TPO: variants seen among roughly 807,000 people sequenced by gnomAD.
TPO encodes the protein thyroid microsomal antigen.
A neutral mutation model predicts 96.9 loss-of-function variants in TPO; 78 were observed. That is an observed-to-expected ratio of 0.81 (90% confidence interval 0.67 to 0.97). The LOEUF is 0.97. Among genes scored for constraint, TPO ranks in the 50% least tolerant of loss-of-function variants. The probability of loss-of-function intolerance (pLI) is 0.00; values close to 1 mark genes in which losing one functional copy is unlikely to be tolerated. For missense variants in TPO, 1,252 were observed against 1,274.8 expected, an observed-to-expected ratio of 0.98 and a Z score of 0.27; for synonymous variants, 547 against 538.0, an observed-to-expected ratio of 1.02 and a Z score of -0.23.
At chr2:1,445,368 A>G (rs55706926) in intron 5 of TPO, among the ~76,000 whole-genome samples, 58,706 of 70,292 alleles carry the variant, frequency 0.84, 25,466 homozygotes, top group East Asian at 0.9. Flanking sequence ...GAAGGGAATG[A>G]GCAGGCTCCT....
chr2:1,424,502 G>A (rs1270732115), intron 3 of TPO, among the ~76,000 whole-genome samples: 1 of 152,154 alleles, frequency 6.6e-6, no homozygotes, highest in African/African-American at 2.4e-5. Context: ...GTTAGGCGAG[G>A]ACATTAGAAT....
At chr2:1,535,126 C>CA (rs1679287732) in intron 15 of TPO, among the ~76,000 whole-genome samples, 1 of 95,872 alleles carries the variant, frequency 1.0e-5, no homozygotes, top group South Asian at 4.0e-4. Context: ...CACATCCCCC[C>CA]ACTCTGTGCA....
chr2:1,484,782 C>T lies in TPO; in HGVS notation c.1525C>T (p.Gln509Ter), dbSNP rs948273081. 2 of 1,614,082 alleles carry T rather than the reference C, an allele frequency of 1.2e-6. No individual in the cohort carries two copies. Among genetic ancestry groups the T allele is most frequent in the Non-Finnish European group, 1.7e-6 (2 of 1,180,030 alleles). Residue 509 changes from glutamine to a stop codon, truncating the protein, a stop_gained, in exon 9 of 17, where the codon CAG becomes TAG. Transcript: ENST00000329066. LOFTEE classifies it high-confidence loss of function. Reference sequence around the variant, plus strand: ...GGTGAGGAGGCTGGACGCCAGCTTCCAGGAGCACCCCGACCTGCCCGGGCT... The same window carrying T: ...GGTGAGGAGGCTGGACGCCAGCTTCTAGGAGCACCCCGACCTGCCCGGGCT... ...PLVRRLDASF[Q>*]EHPDLPGLWL...
chr2:1,415,804 C>G (rs1396262680), intron 2 of TPO, among the ~76,000 whole-genome samples: 1 of 152,220 alleles, frequency 6.6e-6, no homozygotes, highest in Non-Finnish European at 1.5e-5. Flanking sequence ...CTCGCTGTTC[C>G]CAGCCACACC....
chr2:1,507,690 G>A (rs1426000133), intron 14 of TPO, among the ~76,000 whole-genome samples: 3 of 151,572 alleles, frequency 2.0e-5, no homozygotes, highest in Admixed American at 1.3e-4. Flanking sequence ...CTGTTTGTCT[G>A]TTATTGGTGT....
chr2:1,504,001 T>G lies in TPO; in HGVS notation c.2440T>G (p.Cys814Gly), dbSNP rs1408070467. ...AHPPCHASAR[C>G]RNTKGGFQCL... ...CCCCCCCTGCCACGCCTCTGCGAGG[T>G]GCAGAAACACCAAAGGCGGCTTCCA... The change falls in exon 14 of 17, where the codon TGC (cysteine) becomes GGC (glycine). Residue 814 changes from cysteine (C) to glycine (G), a missense_variant. By Grantham distance (159) the Cys-to-Gly change is radical. Coordinates refer to ENST00000329066, the MANE Select transcript of TPO (RefSeq NM_001206744.2). The G allele has an allele frequency of 6.2e-7, 1 of 1,614,146 alleles. No homozygotes were observed. The highest frequency in any genetic ancestry group is 1.1e-5 in the South Asian group (1 of 91,086).
intron 15 of TPO, among the ~76,000 whole-genome samples, chr2:1,518,350 T>C (rs1210091714): frequency 1.3e-5 from 2 of 152,248 alleles, no homozygotes; most frequent in African/African-American, 2.4e-5. Context: ...AGCAACCAGA[T>C]GTTACCCATG....
chr2:1,421,973 C>T (rs1663592112), intron 2 of TPO, among the ~76,000 whole-genome samples: 1 of 152,200 alleles, frequency 6.6e-6, no homozygotes. Context: ...GCTGTGAGCC[C>T]GTGCTAGGTG....
chr2:1,447,925 T>C (rs10204515), intron 5 of TPO, among the ~76,000 whole-genome samples: 68,010 of 152,020 alleles, frequency 0.45, 15,433 homozygotes, highest in South Asian at 0.58. Flanking sequence ...ATTAGCCACA[T>C]TTCTCTTTAA....
intron 8 of TPO, among the ~76,000 whole-genome samples, chr2:1,481,224 C>T (rs1295036243): frequency 6.6e-6 from 1 of 152,106 alleles, no homozygotes; most frequent in Non-Finnish European, 1.5e-5. Context: ...ATCAGTTGCT[C>T]ACTTTGGTGA....
rs1234672081 is a variant in TPO at position 1,542,353 on chromosome 2, CAA to C, written c.2749-67_2749-66del. On this transcript the variant is annotated intron_variant, in intron 16 of 16. Coordinates refer to ENST00000329066, the MANE Select transcript of TPO (RefSeq NM_001206744.2). ...CTGTCCAGGCCCTTCTGTCTTGTAT[CAA>C]GTGTGTGCTGTTACTGGAGCAGTCA... 8 of 1,595,926 alleles carry C rather than the reference CAA, an allele frequency of 5.0e-6. No homozygotes were observed. In the East Asian group the frequency reaches 1.8e-4, roughly 36 times the overall value.
intron 1 of TPO, among the ~76,000 whole-genome samples, chr2:1,389,558 T>C (rs1661963864): frequency 2.6e-5 from 4 of 152,184 alleles, no homozygotes; most frequent in Admixed American, 2.6e-4. Context: ...TTAAACAGTC[T>C]TGGTGGGTGG....
rs371378329 is a variant in TPO at position 1,423,140 on chromosome 2, C to A, written c.179+11C>A. ...CGCCACGATGCAGAGGTGAGCCTTGCGGAGGGGCCGCCGCCCCAAATGCCA... is the reference window on the plus strand; with the variant it reads ...CGCCACGATGCAGAGGTGAGCCTTGAGGAGGGGCCGCCGCCCCAAATGCCA... On this transcript the variant is annotated intron_variant, in intron 3 of 16. Coordinates refer to ENST00000329066, the MANE Select transcript of TPO (RefSeq NM_001206744.2). The A allele has an allele frequency of 4.3e-6, 7 of 1,612,550 alleles. No individual in the cohort carries two copies. Among genetic ancestry groups the A allele is most frequent in the South Asian group, 3.3e-5 (3 of 91,046 alleles).
In TPO at chr2:1,496,025, A is replaced by T; in HGVS notation, c.2043A>T (p.Ala681=). The T allele has an allele frequency of 6.2e-7, 1 of 1,613,558 alleles. No individual in the cohort carries two copies. The highest frequency in any genetic ancestry group is 8.5e-7 in the Non-Finnish European group (1 of 1,180,012). ...WWENSHVFTD[A]QRRELEKHSL... is the part of the protein sequence containing the mutation. The stretch of plus-strand genomic sequence containing the variant: ...AGAACAGCCACGTCTTCACGGATGC[A>T]CAGAGGCGTGAGCTGGAGAAGCACT... The change falls in exon 12 of 17, where the codon GCA becomes GCT. Residue 681 remains alanine (A), a synonymous_variant. Coordinates refer to ENST00000329066, the MANE Select transcript of TPO (RefSeq NM_001206744.2).
In TPO at chr2:1,487,832, C is replaced by A. The variant is rs772218408; in HGVS notation, c.1609C>A (p.Pro537Thr). The A allele has an allele frequency of 3.1e-6, 5 of 1,614,210 alleles. No individual in the cohort carries two copies. The highest frequency in any genetic ancestry group is 4.2e-6 in the Non-Finnish European group (5 of 1,180,038). The change falls in exon 10 of 17, where the codon CCA (proline) becomes ACA (threonine). Residue 537 changes from proline to threonine, a missense_variant. Coordinates refer to ENST00000329066, the MANE Select transcript of TPO (RefSeq NM_001206744.2). ...ATGGTATTTTCCAGGTGGTTTGGAC[C>A]CACTAATACGAGGCCTTCTTGCAAG... The part of the protein sequence containing the change: ...WTLLRGGGLD[P>T]LIRGLLARPA...
chr2:1,478,476 G>A (rs1670203355), intron 8 of TPO, among the ~76,000 whole-genome samples: 1 of 152,222 alleles, frequency 6.6e-6, no homozygotes, highest in African/African-American at 2.4e-5. Flanking sequence ...GCTGTGTGTG[G>A]CACCGGCTGC....
chr2:1,455,990 A>G, intron 6 of TPO, 86 bp from the exon 7 acceptor site: 1 of 1,370,326 alleles, frequency 7.3e-7, no homozygotes, highest in South Asian at 1.2e-5. Flanking sequence ...CAAGAACCAC[A>G]CCAGGAAGTG....
chr2:1,514,275 G>A (rs562746688), intron 14 of TPO, among the ~76,000 whole-genome samples: 2 of 152,188 alleles, frequency 1.3e-5, no homozygotes, highest in South Asian at 4.1e-4. Flanking sequence ...GGGGAGAGCC[G>A]TCTGCTTTTC....
At chr2:1,469,831 C>T (rs1343373651) in intron 7 of TPO, among the ~76,000 whole-genome samples, 1 of 152,198 alleles carries the variant, frequency 6.6e-6, no homozygotes, top group Non-Finnish European at 1.5e-5. Flanking sequence ...CCGAGTCCTG[C>T]AGGAGCCATC....
Sources: gnomAD v4.1 joint callset for allele counts (sites outside exome capture counted in the v4.1 genomes callset) on GRCh38, gnomAD v4.1.1 for gene constraint, MANE v1.5 for transcripts, NCBI Gene and HGNC (gene_info 2026-07-23, HGNC 2026-07-21) for gene names.